The following VPS13C variants were observed in gnomAD, a reference collection of about 807,000 sequenced individuals.
VPS13C encodes vacuolar protein sorting 13 homolog C.
Under a neutral mutation model 456.8 loss-of-function variants are expected in VPS13C, and 358 were observed. The observed-to-expected ratio is 0.78, with a 90% confidence interval of 0.72 to 0.86. VPS13C has a LOEUF of 0.86. VPS13C is among the 40% of genes least tolerant of loss of function. The pLI, the probability that VPS13C is intolerant of heterozygous loss-of-function variation, is 0.00. For missense variants in VPS13C, 4,818 were observed against 4,385.4 expected (o/e 1.10, Z -2.79); for synonymous variants, 1,578 against 1,486.7 (o/e 1.06, Z -1.41).
In VPS13C at chr15:62,012,211, T is replaced by G. The variant is rs1301313691; in HGVS notation, c.826-47A>C. The G allele has an allele frequency of 3.0e-6, 3 of 1,005,956 alleles. No individual in the cohort carries two copies. The South Asian group carries it at 4.0e-5, about 13-fold the overall frequency. The allele number at this position is 1,005,956 out of a possible 1,614,324, so 62.3% of individuals were successfully genotyped here. ...GAATGAAAAAGAAAATGCACACATA[T>G]TCAGACTCAGACACACACACACACA... On this transcript the variant is annotated intron_variant, in intron 11 of 84. Coordinates refer to ENST00000644861, the MANE Select transcript of VPS13C (RefSeq NM_020821.3).
intron 55 of VPS13C, among the ~76,000 whole-genome samples, chr15:61,921,436 G>C (rs1014816655): frequency 5.3e-5 from 8 of 151,798 alleles, no homozygotes; most frequent in Non-Finnish European, 1.0e-4. Context: ...TAACACACAA[G>C]AGTTCATTAA....
intron 43 of VPS13C, 31 bp downstream of exon 43, chr15:61,947,161 AG>A: frequency 6.5e-6 from 9 of 1,384,540 alleles, no homozygotes; most frequent in Non-Finnish European, 8.9e-6. Context: ...GTAAAGAAAC[AG>A]AAATACCTAC....
rs770314489 is a variant in VPS13C at position 62,028,395 on chromosome 15, A to T, written c.411T>A (p.Tyr137Ter). ...CCTTGTAAACAAAGTTCTCCAAGCC[A>T]TATATGAACTCCCCTGAATGTGTGC... Reference protein sequence around the residue: ...EKGTHSGEFIYGLENFVYKDI... With the variant: ...EKGTHSGEFI The change falls in exon 6 of 85, where the codon TAT (tyrosine) becomes TAA (stop). Residue 137 changes from tyrosine to a stop codon, truncating the protein, a stop_gained. Transcript: ENST00000644861. LOFTEE classifies it high-confidence loss of function. 6.2e-7 allele frequency: 1 copy of T among 1,612,990 alleles called. No homozygotes were observed. Among genetic ancestry groups the T allele is most frequent in the African/African-American group, 1.3e-5 (1 of 74,822 alleles).
Position 61,852,964 on chromosome 15 carries a change from C to T in VPS13C, c.*1493G>A, listed in dbSNP as rs944441593. The T allele has an allele frequency of 6.6e-6, 1 of 152,092 alleles. No individual in the cohort carries two copies. The highest frequency in any genetic ancestry group is 2.4e-5 in the African/African-American group (1 of 41,432). 9.4% of individuals were successfully genotyped at this position (152,092 alleles called of 1,614,324 possible). A position where few individuals can be genotyped will look rare whatever the true frequency, so the allele number is the denominator to read the frequency against. ...AAAAATAGAGCAAACCAAGCGTGTC[C>T]ACATCTCCATGAATTCAGTGATTTG... On this transcript the variant is annotated 3_prime_UTR_variant, in exon 85 of 85. Coordinates refer to ENST00000644861, the MANE Select transcript of VPS13C (RefSeq NM_020821.3).
At chr15:61,910,337 G>C in intron 63 of VPS13C, 32 bp from the exon 64 acceptor site, 1 of 1,411,940 alleles carries the variant, frequency 7.1e-7, no homozygotes, top group Non-Finnish European at 9.3e-7. Context: ...TCAGTCTTAA[G>C]ACAATACCGT....
At chr15:61,937,467 G>GTTTCT (rs150134747) in intron 47 of VPS13C, among the ~76,000 whole-genome samples, 28 of 152,100 alleles carry the variant, frequency 1.8e-4, no homozygotes, top group South Asian at 4.2e-4. Context: ...CTTAACTCAA[G>GTTTCT]TTTCTTTTCT....
chr15:61,966,970 C>T (rs914539877), intron 29 of VPS13C, among the ~76,000 whole-genome samples: 5 of 152,054 alleles, frequency 3.3e-5, no homozygotes, highest in Admixed American at 1.3e-4. Flanking sequence ...GTTTCTCATA[C>T]GAAATATTTT....
intron 34 of VPS13C, 81 bp from the exon 35 acceptor site, chr15:61,961,974 G>T: frequency 6.9e-7 from 1 of 1,442,100 alleles, no homozygotes; most frequent in Non-Finnish European, 9.2e-7. Flanking sequence ...TTTCATACAT[G>T]TGGTAACTTT....
intron 53 of VPS13C, among the ~76,000 whole-genome samples, chr15:61,923,991 A>G (rs932988631): frequency 1.9e-4 from 27 of 142,306 alleles, no homozygotes; most frequent in Non-Finnish European, 2.9e-4. Flanking sequence ...TCAGCCTCCC[A>G]AGTAGCTGGG....
intron 38 of VPS13C, 33 bp downstream of exon 38, chr15:61,954,388 C>T (rs2140299587): frequency 1.3e-6 from 2 of 1,592,558 alleles, no homozygotes; most frequent in East Asian, 2.3e-5. Flanking sequence ...ACTTATTCAC[C>T]TCACTTTACA....
intron 12 of VPS13C, among the ~76,000 whole-genome samples, chr15:62,011,206 T>G (rs1444498440): frequency 6.6e-6 from 1 of 152,116 alleles, no homozygotes; most frequent in Admixed American, 6.5e-5. Flanking sequence ...TAACTGTGAA[T>G]AGTATCAAAC....
At chr15:61,974,025 A>G (rs2045631477) in intron 25 of VPS13C, among the ~76,000 whole-genome samples, 1 of 152,122 alleles carries the variant, frequency 6.6e-6, no homozygotes, top group African/African-American at 2.4e-5. Flanking sequence ...GATCAATTTC[A>G]ATTAAAGTGA....
At chr15:61,921,353 T>A (rs1476535061) in intron 55 of VPS13C, among the ~76,000 whole-genome samples, 8 of 152,034 alleles carry the variant, frequency 5.3e-5, no homozygotes, top group African/African-American at 1.9e-4. Context: ...ATGACTCAAG[T>A]TCCTTTTAAT....
chr15:61,975,757 C>A (rs1260262284), intron 24 of VPS13C, among the ~76,000 whole-genome samples: 2 of 151,966 alleles, frequency 1.3e-5, no homozygotes, highest in Non-Finnish European at 2.9e-5. Context: ...TGCATGAGGC[C>A]AACATCATTA....
chr15:61,903,187 A>G (rs1273495085), intron 66 of VPS13C, among the ~76,000 whole-genome samples: 1 of 151,890 alleles, frequency 6.6e-6, no homozygotes, highest in African/African-American at 2.4e-5. Context: ...AACAAAAACA[A>G]AAACGCTGGG....
intron 42 of VPS13C, among the ~76,000 whole-genome samples, chr15:61,948,027 C>A (rs796748314): frequency 1.3e-5 from 2 of 152,098 alleles, no homozygotes; most frequent in East Asian, 3.9e-4. Context: ...GGAAATAGAG[C>A]CTTCTGATTG....
At chr15:61,861,614 A>T (rs1596264001) in intron 82 of VPS13C, among the ~76,000 whole-genome samples, 1 of 152,154 alleles carries the variant, frequency 6.6e-6, no homozygotes, top group African/African-American at 2.4e-5. Flanking sequence ...CTGAGGCTGG[A>T]GGATCACTTG....
chr15:61,866,288 A>T (rs1485246080), intron 81 of VPS13C: 20 of 983,610 alleles, frequency 2.0e-5, no homozygotes, highest in Non-Finnish European at 2.4e-5. Flanking sequence ...AAGTTGTCTG[A>T]TATCTTAATA....
At chr15:62,023,191 A>T (rs900944782) in intron 8 of VPS13C, among the ~76,000 whole-genome samples, 16 of 152,052 alleles carry the variant, frequency 1.1e-4, no homozygotes, top group Non-Finnish European at 1.5e-4. Context: ...AAAACCTCTT[A>T]TATCAGCTTC....
Sources: gnomAD v4.1 joint callset for allele counts (sites outside exome capture counted in the v4.1 genomes callset) on GRCh38, gnomAD v4.1.1 for gene constraint, MANE v1.5 for transcripts, NCBI Gene and HGNC (gene_info 2026-07-23, HGNC 2026-07-21) for gene names.